Variants in C16orf78 observed in about 807,000 individuals in gnomAD.
The protein encoded by C16orf78 is uncharacterized protein C16orf78.
In C16orf78, 19 loss-of-function variants were observed where a neutral mutation model predicts 27.3. The observed-to-expected ratio is 0.70, with a 90% CI of 0.49 to 1.02. The LOEUF (loss-of-function observed/expected upper bound fraction) is 1.02, where lower values mean the gene tolerates loss of function less well. Among genes scored for constraint, C16orf78 ranks in the 50% least tolerant of loss-of-function variants. C16orf78 has a pLI of 0.00. For synonymous variants in C16orf78, 130 were observed against 116.1 expected (o/e 1.12, Z -0.77); for missense variants, 339 against 337.0 (o/e 1.01, Z -0.05).
chr16:49,384,919 C>T (rs1965329685), intron 3 of C16orf78, among the ~76,000 whole-genome samples: 1 of 152,084 alleles, frequency 6.6e-6, no homozygotes, highest in Admixed American at 6.5e-5. Context: ...AAAACAACTG[C>T]CAACCAAGGA....
chr16:49,378,322 C>T, intron 2 of C16orf78, 148 bp from the exon 3 acceptor site: 3 of 1,212,060 alleles, frequency 2.5e-6, no homozygotes, highest in East Asian at 2.6e-5. Flanking sequence ...CCCCTCCGAC[C>T]TCTCCCAGGG....
At chr16:49,397,136 AC>A (rs1965485500) in intron 4 of C16orf78, among the ~76,000 whole-genome samples, 1 of 152,036 alleles carries the variant, frequency 6.6e-6, no homozygotes, top group African/African-American at 2.4e-5. Flanking sequence ...AAAGTGTGAA[AC>A]CATTTGATAT....
At chr16:49,381,084 T>G (rs1166725325) in intron 3 of C16orf78, among the ~76,000 whole-genome samples, 2 of 152,136 alleles carry the variant, frequency 1.3e-5, no homozygotes, top group East Asian at 3.9e-4. Context: ...CCAGCTTTGT[T>G]CTTTTGGCTT....
Position 49,378,546 on chromosome 16 carries a change from T to G in C16orf78, c.347T>G (p.Leu116Arg), listed in dbSNP as rs758114215. 2 of 1,613,506 alleles carry G rather than the reference T, an allele frequency of 1.2e-6. No homozygotes were observed. Among genetic ancestry groups the G allele is most frequent in the Non-Finnish European group, 1.7e-6 (2 of 1,179,832 alleles). Reference protein sequence around the residue: ...LYGVEQKGKHLSMVPGSYIKD... With the variant: ...LYGVEQKGKHRSMVPGSYIKD... ...GGAGTGGAGCAAAAGGGGAAACACC[T>G]CAGCATGGTCCCTGGCAGCTACATC... Residue 116 changes from leucine (L) to arginine (R), a missense_variant, in exon 3 of 5, where the codon CTC becomes CGC. Coordinates refer to ENST00000299191, the MANE Select transcript of C16orf78 (RefSeq NM_144602.4).
intron 1 of C16orf78, among the ~76,000 whole-genome samples, chr16:49,377,027 G>T (rs765917115): frequency 1.3e-5 from 2 of 152,186 alleles, no homozygotes; most frequent in Non-Finnish European, 2.9e-5. Flanking sequence ...CTTCCTGGGT[G>T]GCCCACCCTT....
chr16:49,384,775 A>G (rs1225308334), intron 3 of C16orf78, among the ~76,000 whole-genome samples: 1 of 152,238 alleles, frequency 6.6e-6, no homozygotes, highest in Non-Finnish European at 1.5e-5. Flanking sequence ...AAAGACAATG[A>G]AAGAATTTTG....
In C16orf78 at chr16:49,396,694, C is replaced by A. The variant is rs1965479924; in HGVS notation, c.650+16C>A. On this transcript the variant is annotated intron_variant, in intron 4 of 4. Coordinates refer to ENST00000299191, the MANE Select transcript of C16orf78 (RefSeq NM_144602.4). ...TGAGCTGCCGGTGAGAGCTGCCACC[C>A]CCTGGGCAGATGGGGTGGGGTCCTG... The A allele has an allele frequency of 1.9e-6, 3 of 1,601,504 alleles. No individual in the cohort carries two copies. The highest frequency in any genetic ancestry group is 2.5e-6 in the Non-Finnish European group (3 of 1,179,014).
At chr16:49,376,283 A>T (rs1175279050) in intron 1 of C16orf78, among the ~76,000 whole-genome samples, 1 of 152,188 alleles carries the variant, frequency 6.6e-6, no homozygotes, top group Non-Finnish European at 1.5e-5. Context: ...ATCAGCGAAG[A>T]CCCCTGAGGT....
At chr16:49,383,453 A>G (rs1965311645) in intron 3 of C16orf78, among the ~76,000 whole-genome samples, 3 of 152,208 alleles carry the variant, frequency 2.0e-5, no homozygotes, top group African/African-American at 7.2e-5. Context: ...AAATGGTCCT[A>G]TCTCAATGTG....
intron 3 of C16orf78, among the ~76,000 whole-genome samples, chr16:49,394,867 T>C (rs1965452533): frequency 6.6e-6 from 1 of 152,004 alleles, no homozygotes; most frequent in Admixed American, 6.6e-5. Context: ...TTTGTTTGCT[T>C]GTTTGTTTGT....
chr16:49,388,099 A>G (rs1183419636), intron 3 of C16orf78, among the ~76,000 whole-genome samples: 1 of 152,188 alleles, frequency 6.6e-6, no homozygotes, highest in Non-Finnish European at 1.5e-5. Flanking sequence ...AGCCTGGACA[A>G]CATAGTGAGA....
At chr16:49,393,312 A>C (rs1231312843) in intron 3 of C16orf78, among the ~76,000 whole-genome samples, 1 of 152,238 alleles carries the variant, frequency 6.6e-6, no homozygotes, top group Non-Finnish European at 1.5e-5. Flanking sequence ...CAATGCAGTT[A>C]ACAAACTGTA....
At chr16:49,379,100 T>C (rs971094562) in intron 3 of C16orf78, among the ~76,000 whole-genome samples, 3 of 151,914 alleles carry the variant, frequency 2.0e-5, no homozygotes, top group Admixed American at 1.3e-4. Flanking sequence ...GAGCTCAGAG[T>C]TGTATAATCC....
chr16:49,392,650 C>G (rs185139), intron 3 of C16orf78, among the ~76,000 whole-genome samples: 48,076 of 152,016 alleles, frequency 0.32, 11,166 homozygotes, highest in African/African-American at 0.66. Context: ...ATTTAGAAAT[C>G]TAGGGAGAAC....
At chr16:49,378,281 T>C (rs987234887) in intron 2 of C16orf78, among the ~76,000 whole-genome samples, 189 bp from the exon 3 acceptor site, 77 of 152,140 alleles carry the variant, frequency 5.1e-4, no homozygotes, top group African/African-American at 1.9e-3. Context: ...GAGGGAGGCG[T>C]TGGTGAGCAA....
chr16:49,387,538 A>G lies in C16orf78; in HGVS notation c.395-8885A>G, dbSNP rs543487332. 2.1e-3 allele frequency among the ~76,000 whole-genome samples: 322 copies of G among 152,292 alleles called. 1 individual carries two copies. The highest frequency in any genetic ancestry group is 3.5e-3 in the Non-Finnish European group (241 of 68,026). On this transcript the variant is annotated intron_variant, in intron 3 of 4. Coordinates refer to ENST00000299191, the MANE Select transcript of C16orf78 (RefSeq NM_144602.4). Reference sequence around the variant, plus strand: ...TGTTGTGTCCCTGCCATGTTTTGGTATCAGCATGATGCTGACCTCATAGAA... The same window carrying G: ...TGTTGTGTCCCTGCCATGTTTTGGTGTCAGCATGATGCTGACCTCATAGAA...
chr16:49,387,297 G>A (rs544155779), intron 3 of C16orf78, among the ~76,000 whole-genome samples: 1 of 151,926 alleles, frequency 6.6e-6, no homozygotes, highest in African/African-American at 2.4e-5. Flanking sequence ...TTTTGTTGTT[G>A]TTGTTGTCGT....
intron 3 of C16orf78, among the ~76,000 whole-genome samples, chr16:49,386,393 C>A (rs1045909735): frequency 6.6e-6 from 1 of 152,180 alleles, no homozygotes; most frequent in Admixed American, 6.5e-5. Flanking sequence ...AATACAGATT[C>A]TTCTCAAATG....
At chr16:49,396,817 G>T in intron 4 of C16orf78, 139 bp downstream of exon 4, 4 of 1,217,408 alleles carry the variant, frequency 3.3e-6, no homozygotes, top group South Asian at 1.6e-5. Flanking sequence ...CCGCCCTTTG[G>T]TCCCAAAGGA....
Sources: gnomAD v4.1 joint callset for allele counts (sites outside exome capture counted in the v4.1 genomes callset) on GRCh38, gnomAD v4.1.1 for gene constraint, MANE v1.5 for transcripts, NCBI Gene and HGNC (gene_info 2026-07-23, HGNC 2026-07-21) for gene names.